GOLGA6L2: variants seen among roughly 807,000 people sequenced by gnomAD.
The protein encoded by GOLGA6L2 is golgin subfamily A member 6-like protein 2.
Under a neutral mutation model 35.9 loss-of-function variants are expected in GOLGA6L2, and 30 were observed. The ratio of observed to expected loss-of-function variants is 0.83; its 90% confidence interval spans 0.62 to 1.13. GOLGA6L2 has a LOEUF of 1.13. GOLGA6L2 is among the 50% of genes most tolerant of loss of function. The probability of loss-of-function intolerance (pLI) is 0.00; values close to 1 mark genes in which losing one functional copy is unlikely to be tolerated. For missense variants in GOLGA6L2, 821 were observed against 973.4 expected (o/e 0.84, Z 2.08); for synonymous variants, 297 against 344.0 (o/e 0.86, Z 1.51).
In GOLGA6L2 at chr15:23,440,614, C is replaced by T. The variant is rs1161473519; in HGVS notation, c.1861G>A (p.Gly621Arg). The change falls in exon 8 of 8, where the codon GGA (glycine) becomes AGA (arginine). Residue 621 changes from glycine (G) to arginine (R), a missense_variant. Transcript: ENST00000567107. ...EDAGAGEEDM[G>R]PGGEDARGGE... ...CCTCTCGCATCTTCTCCTCCTGGTC[C>T]CATGTCTTCTTCTCCTGCTCCTGCG... 1.4e-6 allele frequency: 2 copies of T among 1,402,648 alleles called. No homozygotes were observed. Among genetic ancestry groups the T allele is most frequent in the African/African-American group, 1.4e-5 (1 of 69,072 alleles). The allele number at this position is 1,402,648 out of a possible 1,614,324, so 86.9% of individuals were successfully genotyped here.
Position 23,447,079 on chromosome 15 carries a change from G to T in GOLGA6L2, c.84+19C>A, listed in dbSNP as rs373933471. ...GGGGCTGGGTTGGGGTTGGGGTGCC[G>T]CAACCCAGTGAGTTTTACCTTTTTC... On this transcript the variant is annotated intron_variant, in intron 1 of 7. Transcript: ENST00000567107. 1.9e-5 allele frequency: 26 copies of T among 1,368,088 alleles called. No individual in the cohort carries two copies. The highest frequency in any genetic ancestry group is 1.9e-4 in the East Asian group (7 of 37,426). The allele number at this position is 1,368,088 out of a possible 1,614,324, so 84.7% of individuals were successfully genotyped here. A position where few individuals can be genotyped will look rare whatever the true frequency, so the allele number is the denominator to read the frequency against.
At chr15:23,444,369 G>T in intron 3 of GOLGA6L2, 102 bp downstream of exon 3, 1 of 1,478,414 alleles carries the variant, frequency 6.8e-7, no homozygotes, top group Non-Finnish European at 9.3e-7. Flanking sequence ...TTGGCGGTGA[G>T]CCTTCTTCCC....
In GOLGA6L2 at chr15:23,441,765, A is replaced by C. The variant is rs2070696138; in HGVS notation, c.793-83T>G. 2.1e-6 allele frequency: 3 copies of C among 1,414,130 alleles called. No homozygotes were observed. In the South Asian group the frequency reaches 4.7e-5, roughly 22 times the overall value. 87.6% of individuals were successfully genotyped at this position (1,414,130 alleles called of 1,614,324 possible). ...TTTTCATCTATGATTCTTTAAAAAA[A>C]ATTTTTAAGCCTTAACACTGAGGTT... On this transcript the variant is annotated intron_variant, in intron 7 of 7. Transcript: ENST00000567107.
chr15:23,445,590 T>C (rs1184584628), intron 1 of GOLGA6L2, among the ~76,000 whole-genome samples, 152 bp from the exon 2 acceptor site: 2 of 151,698 alleles, frequency 1.3e-5, no homozygotes, highest in Non-Finnish European at 2.9e-5. Flanking sequence ...CTGAGAGGGA[T>C]TGATACCATG....
chr15:23,439,450 T>C lies in GOLGA6L2; in HGVS notation c.*295A>G. ...AATTTAAAGTAAATTTTCTTTTCTT[T>C]TTTTTTTTTTTTTTCAAGTTTGTGC... On this transcript the variant is annotated 3_prime_UTR_variant, in exon 8 of 8. Transcript: ENST00000567107. 1.7e-6 allele frequency: 1 copy of C among 603,230 alleles called. No homozygotes were observed. Among genetic ancestry groups the C allele is most frequent in the Non-Finnish European group, 2.5e-6 (1 of 400,360 alleles). 37.4% of individuals were successfully genotyped at this position (603,230 alleles called of 1,614,324 possible). A position where few individuals can be genotyped will look rare whatever the true frequency, so the allele number is the denominator to read the frequency against.
chr15:23,442,736 G>A (rs2070710065), intron 5 of GOLGA6L2, among the ~76,000 whole-genome samples: 1 of 151,826 alleles, frequency 6.6e-6, no homozygotes, highest in Non-Finnish European at 1.5e-5. Context: ...AGGCTGGAGT[G>A]CAATGGCGCA....
At chr15:23,446,404 C>G (rs185337285) in intron 1 of GOLGA6L2, among the ~76,000 whole-genome samples, 103 of 152,282 alleles carry the variant, frequency 6.8e-4, no homozygotes, top group African/African-American at 2.4e-3. Flanking sequence ...ACTCCCCTTC[C>G]AGCTGGAAAT....
chr15:23,447,122 G>A lies in GOLGA6L2; in HGVS notation c.60C>T (p.Asn20=). ...CCTTTTTCTTGGCCTCAGCCAATTTGTTCTGTCTGGTTTTTTCTGACATCA... is the reference window on the plus strand; with the variant it reads ...CCTTTTTCTTGGCCTCAGCCAATTTATTCTGTCTGGTTTTTTCTGACATCA... ...HPMMSEKTRQ[N]KLAEAKKKFT... The change falls in exon 1 of 8, where the codon AAC becomes AAT. Residue 20 remains asparagine, a synonymous_variant. Coordinates refer to ENST00000567107, the MANE Select transcript of GOLGA6L2 (RefSeq NM_001304388.2). 1 of 1,524,716 alleles carries A rather than the reference G, an allele frequency of 6.6e-7. No homozygotes were observed. The highest frequency in any genetic ancestry group is 1.4e-5 in the African/African-American group (1 of 72,132). The allele number at this position is 1,524,716 out of a possible 1,614,324, so 94.4% of individuals were successfully genotyped here.
chr15:23,439,558 C>T lies in GOLGA6L2; in HGVS notation c.*187G>A. The T allele has an allele frequency of 2.0e-6, 3 of 1,510,896 alleles. No homozygotes were observed. Among genetic ancestry groups the T allele is most frequent in the Non-Finnish European group, 2.6e-6 (3 of 1,133,056 alleles). 93.6% of individuals were successfully genotyped at this position (1,510,896 alleles called of 1,614,324 possible). A position where few individuals can be genotyped will look rare whatever the true frequency, so the allele number is the denominator to read the frequency against. ...GTGCCAACTTTTAGATATTGATGAT[C>T]TTCATCTTTCTCTTGTCTCCTCGGT... On this transcript the variant is annotated 3_prime_UTR_variant, in exon 8 of 8. Transcript: ENST00000567107.
chr15:23,446,263 C>T (rs896545046), intron 1 of GOLGA6L2, among the ~76,000 whole-genome samples: 4 of 152,112 alleles, frequency 2.6e-5, no homozygotes, highest in African/African-American at 9.7e-5. Context: ...ACCCGTTCTC[C>T]CATTTCCACC....
At chr15:23,445,511 T>C (rs1007078856) in intron 1 of GOLGA6L2, 73 bp from the exon 2 acceptor site, 8 of 371,344 alleles carry the variant, frequency 2.2e-5, no homozygotes, top group African/African-American at 4.0e-5. Flanking sequence ...TTATACAAAA[T>C]ACTCTCATAG....
intron 5 of GOLGA6L2, among the ~76,000 whole-genome samples, chr15:23,443,575 C>A (rs1489269051): frequency 6.6e-6 from 1 of 152,188 alleles, no homozygotes; most frequent in African/African-American, 2.4e-5. Context: ...GTCCAGTGCT[C>A]GCTCCCCACA....
At position 23,444,086 on chromosome 15, in the gene GOLGA6L2, A is replaced by G; in HGVS notation, c.295-13T>C. 6.3e-7 allele frequency: 1 copy of G among 1,576,400 alleles called. No individual in the cohort carries two copies. The highest frequency in any genetic ancestry group is 2.3e-5 in the East Asian group (1 of 43,692). On this transcript the variant is annotated splice_polypyrimidine_tract_variant and intron_variant, in intron 4 of 7. Transcript: ENST00000567107. ...TATGATCCTGGGCCTTTGGGAGAAA[A>G]GACAAGCAAGTGCTGAAAGAGAAGC... is the stretch of plus-strand genomic sequence containing the variant.
intron 7 of GOLGA6L2, 120 bp downstream of exon 7, chr15:23,441,859 C>A (rs1026817414): frequency 7.1e-7 from 1 of 1,401,114 alleles, no homozygotes; most frequent in Non-Finnish European, 9.4e-7. Flanking sequence ...ATGGTGGGAC[C>A]AGAACAAGGA....
Position 23,442,612 on chromosome 15 carries a change from C to T in GOLGA6L2, c.592-104G>A, listed in dbSNP as rs111354321. The T allele has an allele frequency of 1.4e-3, 1,441 of 1,061,294 alleles. 16 individuals are homozygous for T. In the African/African-American group the frequency reaches 0.02, roughly 15 times the overall value. 65.7% of individuals were successfully genotyped at this position (1,061,294 alleles called of 1,614,324 possible). On this transcript the variant is annotated intron_variant, in intron 5 of 7. Transcript: ENST00000567107. Reference sequence around the variant, plus strand: ...TACTCCACAGTAACACTCCCTCACTCTCCATCACACCCGACATGTTCTCAA... The same window carrying T: ...TACTCCACAGTAACACTCCCTCACTTTCCATCACACCCGACATGTTCTCAA...
At position 23,443,999 on chromosome 15, in the gene GOLGA6L2, A is replaced by T; in HGVS notation, c.369T>A (p.Asp123Glu). Residue 123 changes from aspartate (D) to glutamate (E), a missense_variant, in exon 5 of 8, where the codon GAT becomes GAA. Physicochemically the swap from Asp to Glu is conservative, Grantham distance 45. Transcript: ENST00000567107. ...TCCCATCTTCAAATTTCCTGGCAGC[A>T]TCCTGGCTGTAATAGAGCGCTGTCT... The part of the protein sequence containing the change: ...ELETALYYSQ[D>E]AARKFEDGNL... 1 of 1,555,886 alleles carries T rather than the reference A, an allele frequency of 6.4e-7. No homozygotes were observed. Among genetic ancestry groups the T allele is most frequent in the Non-Finnish European group, 8.6e-7 (1 of 1,157,252 alleles).
Position 23,441,032 on chromosome 15 carries a change from C to G in GOLGA6L2, c.1443G>C (p.Trp481Cys), listed in dbSNP as rs1290688910. ...GCTGCCACTCCTTCTCTTCCTGCTCCCACATATTCTCCTCCTGCTTCTGCA... is the reference window on the plus strand; with the variant it reads ...GCTGCCACTCCTTCTCTTCCTGCTCGCACATATTCTCCTCCTGCTTCTGCA... ...EKMQKQEENM[W>C]EQEEKEWQQQ... Residue 481 changes from tryptophan to cysteine, a missense_variant, in exon 8 of 8, where the codon TGG becomes TGC. Trp to Cys is a radical substitution (Grantham distance 215). This residue lies in a region of GOLGA6L2 where 614 missense variants were observed against 632.3 expected (regional missense o/e 0.97). Coordinates refer to ENST00000567107, the MANE Select transcript of GOLGA6L2 (RefSeq NM_001304388.2). The G allele has an allele frequency of 6.5e-7, 1 of 1,534,384 alleles. No homozygotes were observed. The highest frequency in any genetic ancestry group is 2.5e-5 in the East Asian group (1 of 40,340).
intron 1 of GOLGA6L2, among the ~76,000 whole-genome samples, chr15:23,446,007 GC>G (rs1262205521): frequency 6.6e-6 from 1 of 152,176 alleles, no homozygotes; most frequent in Non-Finnish European, 1.5e-5. Context: ...TCAGAAAGAT[GC>G]CCCATATGTA....
Position 23,439,585 on chromosome 15 carries a change from G to A in GOLGA6L2, c.*160C>T. On this transcript the variant is annotated 3_prime_UTR_variant, in exon 8 of 8. Transcript: ENST00000567107. ...TCATCTTTCTCTTGTCTCCTCGGTA[G>A]AAGAATGGGATGCAGGAGGTACTGC... 2.0e-6 allele frequency: 3 copies of A among 1,535,362 alleles called. No individual in the cohort carries two copies. Among genetic ancestry groups the A allele is most frequent in the Non-Finnish European group, 2.6e-6 (3 of 1,146,620 alleles).
Sources: allele counts gnomAD v4.1 joint callset (sites outside exome capture counted in the v4.1 genomes callset), GRCh38; gene constraint gnomAD v4.1.1; regional missense constraint gnomAD v4.1.1; transcripts MANE v1.5; gene names NCBI Gene and HGNC (gene_info 2026-07-23, HGNC 2026-07-21).